Variants in TFRC observed in about 807,000 individuals in gnomAD.
TFRC encodes the protein transferrin receptor.
In TFRC, 35 loss-of-function variants were observed where a neutral mutation model predicts 85.8. The ratio of observed to expected loss-of-function variants is 0.41; its 90% confidence interval spans 0.31 to 0.54. The LOEUF (loss-of-function observed/expected upper bound fraction) is 0.54. Ranked by LOEUF, TFRC falls within the 20% of genes least tolerant of loss-of-function variation. The probability of loss-of-function intolerance (pLI) is 0.31; values close to 1 mark genes in which losing one functional copy is unlikely to be tolerated. For missense variants in TFRC, 828 were observed against 921.5 expected, an observed-to-expected ratio of 0.90 and a Z score of 1.31; for synonymous variants, 362 against 328.6, an observed-to-expected ratio of 1.10 and a Z score of -1.10.
In TFRC at chr3:196,051,559, ATCAC is replaced by A. The variant is rs1439200346; in HGVS notation, c.*379_*382del. ...ATTTAGCATCAAATGAAGTTGGAGG[ATCAC>A]TCAAAGTAAGCGACCACTTACAACC... On this transcript the variant is annotated 3_prime_UTR_variant, in exon 19 of 19. Coordinates refer to ENST00000360110, the MANE Select transcript of TFRC (RefSeq NM_001128148.3). 10 of 246,588 alleles carry A rather than the reference ATCAC, an allele frequency of 4.1e-5. No homozygotes were observed. Among genetic ancestry groups the A allele is most frequent in the South Asian group, 1.3e-4 (1 of 7,494 alleles). 15.3% of individuals were successfully genotyped at this position (246,588 alleles called of 1,614,324 possible).
At chr3:196,053,389 A>C in intron 18 of TFRC, 29 bp downstream of exon 18, 1 of 1,612,960 alleles carries the variant, frequency 6.2e-7, no homozygotes, top group African/African-American at 1.3e-5. Context: ...CACATACTTT[A>C]GTTCCTCCTT....
intron 1 of TFRC, among the ~76,000 whole-genome samples, chr3:196,077,757 A>G (rs1455025778): frequency 6.6e-6 from 1 of 152,184 alleles, no homozygotes; most frequent in Non-Finnish European, 1.5e-5. Context: ...TGTCTCAAAA[A>G]AAAAAGAAAG....
chr3:196,076,259 T>G (rs1175541383), intron 2 of TFRC, among the ~76,000 whole-genome samples: 2 of 152,186 alleles, frequency 1.3e-5, no homozygotes, highest in Non-Finnish European at 2.9e-5. Context: ...CTGTTTTTTT[T>G]GTATGTTCTT....
At chr3:196,079,083 C>T (rs536785452) in intron 1 of TFRC, among the ~76,000 whole-genome samples, 2 of 152,128 alleles carry the variant, frequency 1.3e-5, no homozygotes, top group East Asian at 1.9e-4. Context: ...AAATCGAAGG[C>T]GTGAGCCACT....
At chr3:196,054,521 C>T (rs1716613263) in intron 17 of TFRC, among the ~76,000 whole-genome samples, 1 of 152,206 alleles carries the variant, frequency 6.6e-6, no homozygotes, top group Non-Finnish European at 1.5e-5. Context: ...ATAAAACAAT[C>T]TGGAAGCTAC....
chr3:196,061,327 T>C (rs890736585), intron 13 of TFRC, among the ~76,000 whole-genome samples: 17 of 152,206 alleles, frequency 1.1e-4, no homozygotes, highest in African/African-American at 4.1e-4. Flanking sequence ...CACCTCAATA[T>C]AGTCCAGACT....
Position 196,065,434 on chromosome 3 carries a change from G to GGGGGGA in TFRC, c.1198+8_1198+9insTCCCCC. ...AAGCGGGGCGGGGGGGGGGGGGGGCGGTCTTTACCTGGTTCTACAAAGCCT... is the reference window on the plus strand; with the variant it reads ...AAGCGGGGCGGGGGGGGGGGGGGGCGGGGGGAGTCTTTACCTGGTTCTACAAAGCCT... On this transcript the variant is annotated intron_variant, in intron 10 of 18. Transcript: ENST00000360110. 1.6e-6 allele frequency: 1 copy of GGGGGGA among 621,574 alleles called. No individual in the cohort carries two copies. Among genetic ancestry groups the GGGGGGA allele is most frequent in the Non-Finnish European group, 2.2e-6 (1 of 454,810 alleles). The allele number at this position is 621,574 out of a possible 1,614,324, so 38.5% of individuals were successfully genotyped here.
At chr3:196,062,789 A>G in intron 12 of TFRC, 65 bp downstream of exon 12, 1 of 1,580,802 alleles carries the variant, frequency 6.3e-7, no homozygotes, top group Non-Finnish European at 8.7e-7. Context: ...TAAAAACATC[A>G]CTTCTGGACA....
At chr3:196,053,327 A>C in intron 18 of TFRC, 91 bp downstream of exon 18, 3 of 1,405,506 alleles carry the variant, frequency 2.1e-6, no homozygotes, top group Non-Finnish European at 3.0e-6. Flanking sequence ...GGAATTCTAG[A>C]CTCCTAGAGT....
chr3:196,060,183 T>C lies in TFRC; in HGVS notation c.1533A>G (p.Gln511=), dbSNP rs1478370464. The C allele has an allele frequency of 1.2e-6, 2 of 1,613,456 alleles. No homozygotes were observed. The highest frequency in any genetic ancestry group is 1.3e-5 in the African/African-American group (1 of 75,046). Residue 511 remains glutamine, a synonymous_variant, in exon 14 of 19, where the codon CAA becomes CAG. Coordinates refer to ENST00000360110, the MANE Select transcript of TFRC (RefSeq NM_001128148.3). ...TTGTAATGAGGTATATACTCACATT[T>C]TGCATTGTTTTCTCAATAAGCGTAT... is the stretch of plus-strand genomic sequence containing the variant. The part of the protein sequence containing the change: ...LLYTLIEKTM[Q]NVKHPVTGQF...
chr3:196,067,802 C>T (rs1428550323), intron 8 of TFRC, 145 bp from the exon 9 acceptor site: 10 of 946,516 alleles, frequency 1.1e-5, no homozygotes, highest in Non-Finnish European at 1.6e-5. Context: ...AATGTGACTC[C>T]TGTTTTCATG....
At chr3:196,057,678 C>G (rs1238215240) in intron 16 of TFRC, among the ~76,000 whole-genome samples, 2 of 151,504 alleles carry the variant, frequency 1.3e-5, no homozygotes, top group African/African-American at 4.9e-5. Flanking sequence ...TGCCTATAAT[C>G]CAAACAGTTT....
At chr3:196,072,829 G>GAGTTA (rs1340348567) in intron 4 of TFRC, 1 of 152,054 alleles carries the variant, frequency 6.6e-6, no homozygotes, top group African/African-American at 2.4e-5. Flanking sequence ...AAGTGTTACA[G>GAGTTA]CTCTTTTAGA....
Position 196,062,586 on chromosome 3 carries a change from A to T in TFRC, c.1464T>A (p.Val488=). Residue 488 remains valine (V), a synonymous_variant, in exon 13 of 19, where the codon GTT becomes GTA. Transcript: ENST00000360110. ...GCTAATGAAAGGGATACTTACCAAG[A>T]ACCGCTTTATCCAGATTAATATAAG... The part of the protein sequence containing the change: ...AFTYINLDKA[V]LGTSNFKVSA... 3.1e-6 allele frequency: 5 copies of T among 1,607,436 alleles called. No homozygotes were observed. The highest frequency in any genetic ancestry group is 4.2e-6 in the Non-Finnish European group (5 of 1,178,020).
At chr3:196,076,616 ATT>A (rs746885459) in intron 2 of TFRC, among the ~76,000 whole-genome samples, 3 of 144,960 alleles carry the variant, frequency 2.1e-5, no homozygotes, top group African/African-American at 2.5e-5. Flanking sequence ...CACTCAGCTA[ATT>A]TTTTTTTTTT....
intron 4 of TFRC, 94 bp downstream of exon 4, chr3:196,073,836 C>G: frequency 2.3e-6 from 3 of 1,299,294 alleles, no homozygotes; most frequent in Non-Finnish European, 3.1e-6. Flanking sequence ...CTCTAACAAG[C>G]CATTCCCCAC....
chr3:196,062,011 C>T (rs191969569), intron 13 of TFRC, among the ~76,000 whole-genome samples: 95 of 152,236 alleles, frequency 6.2e-4, no homozygotes, highest in African/African-American at 2.1e-3. Context: ...TGCCTGTAAC[C>T]GCAGCATTTT....
intron 1 of TFRC, among the ~76,000 whole-genome samples, chr3:196,081,147 C>T (rs1719136797): frequency 6.6e-6 from 1 of 152,196 alleles, no homozygotes; most frequent in Admixed American, 6.5e-5. Context: ...TCTCCGGCGC[C>T]CATCAATCCA....
chr3:196,070,807 T>TAATAATAAC (rs978226944), intron 6 of TFRC, among the ~76,000 whole-genome samples: 7 of 144,562 alleles, frequency 4.8e-5, no homozygotes, highest in Non-Finnish European at 7.5e-5. Context: ...ATAATAATAA[T>TAATAATAAC]AAAATAAAAA....
Sources: gnomAD v4.1 joint callset for allele counts (sites outside exome capture counted in the v4.1 genomes callset) on GRCh38, gnomAD v4.1.1 for gene constraint, MANE v1.5 for transcripts, NCBI Gene and HGNC (gene_info 2026-07-23, HGNC 2026-07-21) for gene names.